The following CPED1 variants were observed in gnomAD, a reference collection of about 807,000 sequenced individuals.
The protein encoded by CPED1 is cadherin like and PC-esterase domain containing 1, also known as cadherin-like and PC-esterase domain-containing protein 1.
A neutral mutation model predicts 128.2 loss-of-function variants in CPED1; 114 were observed. The observed-to-expected ratio is 0.89, with a 90% CI of 0.76 to 1.04. CPED1 has a LOEUF of 1.04. CPED1 is among the 50% of genes least tolerant of loss of function. The pLI is 0.00. For synonymous variants in CPED1, 462 were observed against 426.7 expected (o/e 1.08, Z -1.02); for missense variants, 1,211 against 1,207.1 (o/e 1.00, Z -0.05).
At chr7:121,145,906 A>G (rs1274436518) in intron 16 of CPED1, among the ~76,000 whole-genome samples, 1 of 152,026 alleles carries the variant, frequency 6.6e-6, no homozygotes, top group African/African-American at 2.4e-5. Context: ...CCCAAAGCCT[A>G]TGCAGGCAAA....
chr7:121,027,978 G>A (rs1792638654), intron 3 of CPED1, among the ~76,000 whole-genome samples: 1 of 152,042 alleles, frequency 6.6e-6, no homozygotes, highest in Admixed American at 6.6e-5. Flanking sequence ...GACCTGACTA[G>A]CTCTATATTT....
intron 4 of CPED1, among the ~76,000 whole-genome samples, chr7:121,058,510 G>T (rs1265767470): frequency 2.0e-5 from 3 of 152,126 alleles, no homozygotes; most frequent in African/African-American, 7.2e-5. Context: ...CATCCCAAGT[G>T]CTTACATGTT....
At chr7:121,120,966 T>TAAAAAAAAAAAAAAAAAAAAAAAAAAA (rs539242359) in intron 7 of CPED1, among the ~76,000 whole-genome samples, 1 of 91,656 alleles carries the variant, frequency 1.1e-5, no homozygotes. Flanking sequence ...GTTCCTGACC[T>TAAAAAAAAAAAAAAAAAAAAAAAAAAA]AAAAAAAAAA....
chr7:121,200,256 G>T (rs999685801), intron 16 of CPED1, among the ~76,000 whole-genome samples: 1 of 152,078 alleles, frequency 6.6e-6, no homozygotes, highest in African/African-American at 2.4e-5. Flanking sequence ...GTAAAAAGTG[G>T]TGTGCAAGGA....
intron 5 of CPED1, among the ~76,000 whole-genome samples, chr7:121,087,363 C>G (rs1377578487): frequency 6.6e-6 from 1 of 152,172 alleles, no homozygotes; most frequent in East Asian, 1.9e-4. Context: ...CTCTCTCCAA[C>G]AAACTGATAT....
At chr7:121,278,533 C>T (rs935581100) in intron 22 of CPED1, among the ~76,000 whole-genome samples, 3 of 152,166 alleles carry the variant, frequency 2.0e-5, no homozygotes, top group Non-Finnish European at 4.4e-5. Flanking sequence ...GAAGATGAGT[C>T]ACAGATTCCT....
intron 5 of CPED1, among the ~76,000 whole-genome samples, chr7:121,065,939 C>T (rs867189617): frequency 2.6e-5 from 4 of 152,026 alleles, no homozygotes; most frequent in African/African-American, 9.7e-5. Flanking sequence ...TTTTCTTACA[C>T]GTGTAGCTTT....
chr7:120,993,695 C>T (rs80002024), intron 2 of CPED1, among the ~76,000 whole-genome samples: 14,701 of 152,146 alleles, frequency 0.097, 1,107 homozygotes, highest in East Asian at 0.26. Flanking sequence ...AATGCAATCC[C>T]AGGGACACAA....
At chr7:121,000,478 A>G (rs1450370182) in intron 2 of CPED1, among the ~76,000 whole-genome samples, 1 of 152,154 alleles carries the variant, frequency 6.6e-6, no homozygotes, top group Non-Finnish European at 1.5e-5. Flanking sequence ...GGTATTTACG[A>G]TCCAAAATAA....
intron 2 of CPED1, among the ~76,000 whole-genome samples, chr7:121,000,304 T>C (rs758691419): frequency 4.5e-4 from 69 of 152,150 alleles, no homozygotes; most frequent in Non-Finnish European, 8.8e-5. Flanking sequence ...TTTGTCAACT[T>C]TTGCACTTTT....
intron 16 of CPED1, among the ~76,000 whole-genome samples, chr7:121,195,443 C>T (rs6950553): frequency 0.98 from 149,010 of 152,256 alleles, 72,998 homozygotes; most frequent in Middle Eastern, 1. Flanking sequence ...TTGATAACTC[C>T]AGCAAAAATT....
At chr7:121,069,443 G>A (rs1793935208) in intron 5 of CPED1, among the ~76,000 whole-genome samples, 1 of 152,164 alleles carries the variant, frequency 6.6e-6, no homozygotes, top group South Asian at 2.1e-4. Flanking sequence ...AGAAAGGAGA[G>A]ATGATCATGC....
At chr7:121,129,313 G>GTGTA (rs1491500591) in intron 11 of CPED1, among the ~76,000 whole-genome samples, 2 of 26,834 alleles carry the variant, frequency 7.5e-5, no homozygotes, top group Non-Finnish European at 1.8e-4. Context: ...ATATATATAC[G>GTGTA]TATATATATA....
At position 121,029,669 on chromosome 7, in the gene CPED1, C is replaced by A. The variant is rs1043059726; in HGVS notation, c.433+13821C>A. Reference sequence around the variant, plus strand: ...GAGATAGCATATTAAGGTTAATCAGCAGCAATTTATTTTGTGTGGTACCTG... The same window carrying A: ...GAGATAGCATATTAAGGTTAATCAGAAGCAATTTATTTTGTGTGGTACCTG... On this transcript the variant is annotated intron_variant, in intron 3 of 22. Transcript: ENST00000310396. 3.3e-5 allele frequency among the ~76,000 whole-genome samples: 5 copies of A among 152,252 alleles called. No individual in the cohort carries two copies. The South Asian group carries it at 1.0e-3, about 32-fold the overall frequency.
intron 5 of CPED1, among the ~76,000 whole-genome samples, chr7:121,077,093 T>C (rs558069489): frequency 2.0e-5 from 3 of 152,106 alleles, no homozygotes; most frequent in Admixed American, 1.3e-4. Context: ...CCCATGAAAC[T>C]TGGGAGAGTT....
At chr7:121,014,800 G>T (rs1008877244) in intron 2 of CPED1, among the ~76,000 whole-genome samples, 7 of 152,054 alleles carry the variant, frequency 4.6e-5, no homozygotes, top group Non-Finnish European at 8.8e-5. Context: ...GGCTCCTCTT[G>T]TTCAGCCTCT....
chr7:121,011,946 T>C (rs1792171974), intron 2 of CPED1, among the ~76,000 whole-genome samples: 1 of 152,200 alleles, frequency 6.6e-6, no homozygotes, highest in South Asian at 2.1e-4. Context: ...AATTTATTGG[T>C]GAGACACCAC....
At chr7:121,191,985 C>T (rs966513776) in intron 16 of CPED1, among the ~76,000 whole-genome samples, 1 of 152,066 alleles carries the variant, frequency 6.6e-6, no homozygotes, top group Non-Finnish European at 1.5e-5. Context: ...CTTAAAAATA[C>T]ATTGAAAATA....
At chr7:121,060,763 T>A (rs113621351) in intron 4 of CPED1, among the ~76,000 whole-genome samples, 3 of 152,214 alleles carry the variant, frequency 2.0e-5, no homozygotes, top group African/African-American at 7.2e-5. Flanking sequence ...AAGCAGGCTG[T>A]CCCAGCCAGC....
Sources: gnomAD v4.1 joint callset for allele counts (sites outside exome capture counted in the v4.1 genomes callset) on GRCh38, gnomAD v4.1.1 for gene constraint, MANE v1.5 for transcripts, NCBI Gene and HGNC (gene_info 2026-07-23, HGNC 2026-07-21) for gene names.